Variants in RFPL2 observed in about 807,000 individuals in gnomAD.
RFPL2 encodes the protein ret finger protein like 2.
Under a neutral mutation model 17.8 loss-of-function variants are expected in RFPL2, and 13 were observed. The ratio of observed to expected loss-of-function variants is 0.73; its 90% CI spans 0.47 to 1.16. RFPL2 has a LOEUF of 1.16. Among genes scored for constraint, RFPL2 ranks in the 50% most tolerant of loss-of-function variants. RFPL2 has a pLI of 0.00. For synonymous variants in RFPL2, 189 were observed against 180.9 expected (o/e 1.04, Z -0.36); for missense variants, 431 against 479.3 (o/e 0.90, Z 0.94).
Position 32,191,363 on chromosome 22 carries a change from G to A in RFPL2, c.557-11C>T, listed in dbSNP as rs749645800. 19 of 1,592,730 alleles carry A rather than the reference G, an allele frequency of 1.2e-5. No individual in the cohort carries two copies. Among genetic ancestry groups the A allele is most frequent in the Admixed American group, 3.5e-5 (2 of 56,404 alleles). ...CCAAGGTCATATCCACTGTGAAAAG[G>A]AAAAAAAGTTGCTCAGCAAATGGAC... On this transcript the variant is annotated splice_polypyrimidine_tract_variant and intron_variant, in intron 4 of 4. Transcript: ENST00000652607.
intron 2 of RFPL2, among the ~76,000 whole-genome samples, chr22:32,195,944 C>A (rs1923287172): frequency 6.6e-6 from 1 of 151,994 alleles, no homozygotes; most frequent in Admixed American, 6.6e-5. Flanking sequence ...CCCTTCCCAG[C>A]CTCCACCAAA....
Position 32,204,848 on chromosome 22 carries a change from CTGAT to C in RFPL2, c.-245_-242del, listed in dbSNP as rs368936213. ...TGAGAGAAAAACCTCTAGGTCTACT[CTGAT>C]TGTGCTTTATTTTCACGTTCTGACT... On this transcript the variant is annotated 5_prime_UTR_variant, in exon 1 of 5. Coordinates refer to ENST00000652607, the MANE Select transcript of RFPL2 (RefSeq NM_001394555.1). Among the ~76,000 whole-genome samples, 51 of 152,356 alleles carry C rather than the reference CTGAT, an allele frequency of 3.3e-4. No individual in the cohort carries two copies. In the East Asian group the frequency reaches 8.7e-3, roughly 26 times the overall value.
At chr22:32,192,771 T>A (rs1922814982) in intron 4 of RFPL2, 131 bp downstream of exon 4, 1 of 1,288,482 alleles carries the variant, frequency 7.8e-7, no homozygotes, top group African/African-American at 1.5e-5. Flanking sequence ...GGGCTGAGAA[T>A]CTGATGATGA....
Position 32,204,515 on chromosome 22 carries a change from C to T in RFPL2, c.-100+192G>A, listed in dbSNP as rs77435099. Among the ~76,000 whole-genome samples the T allele has an allele frequency of 1.8e-4, 28 of 152,232 alleles. No individual in the cohort carries two copies. The East Asian group carries it at 5.4e-3, about 29-fold the overall frequency. On this transcript the variant is annotated intron_variant, in intron 1 of 4. Transcript: ENST00000652607. ...CACCTCGGGCAGTGCAGCTCCAGAT[C>T]GTGCATCCAACCTGTCCCCCTCCCC...
At position 32,190,717 on chromosome 22, in the gene RFPL2, T is replaced by A; in HGVS notation, c.*55A>T. On this transcript the variant is annotated 3_prime_UTR_variant, in exon 5 of 5. Coordinates refer to ENST00000652607, the MANE Select transcript of RFPL2 (RefSeq NM_001394555.1). ...TTTTACGAAGTAGAGCGTTCCTAAG[T>A]CTACCCACCCAAGTAATTTTCTTAC... 6.7e-7 allele frequency: 1 copy of A among 1,487,688 alleles called. No homozygotes were observed. Among genetic ancestry groups the A allele is most frequent in the East Asian group, 2.3e-5 (1 of 43,476 alleles). The allele number at this position is 1,487,688 out of a possible 1,614,324, so 92.2% of individuals were successfully genotyped here.
intron 4 of RFPL2, among the ~76,000 whole-genome samples, 181 bp downstream of exon 4, chr22:32,192,715 GTTTGTT>G (rs1922810047): frequency 6.6e-6 from 1 of 152,146 alleles, no homozygotes; most frequent in African/African-American, 2.4e-5. Context: ...TCGGGTTTTT[GTTTGTT>G]TTTGTTTTTG....
In RFPL2 at chr22:32,191,036, C is replaced by G. The variant is rs16987639; in HGVS notation, c.873G>C (p.Thr291=). 0.49 allele frequency: 780,717 copies of G among 1,609,724 alleles called. 198,403 individuals carry two copies. Among genetic ancestry groups the G allele is most frequent in the African/African-American group, 0.82 (61,305 of 74,642 alleles). The part of the protein sequence containing the change: ...LRDGGRLSAT[T]VPLTFLFVDR... ...CTACGAAGAGGAAAGTCAGCGGCACCGTGGTGGCAGAGAGGCGGCCTCCAT... is the reference window on the plus strand; with the variant it reads ...CTACGAAGAGGAAAGTCAGCGGCACGGTGGTGGCAGAGAGGCGGCCTCCAT... The change falls in exon 5 of 5, where the codon ACG becomes ACC. Residue 291 remains threonine (T), a synonymous_variant. Coordinates refer to ENST00000652607, the MANE Select transcript of RFPL2 (RefSeq NM_001394555.1).
intron 3 of RFPL2, among the ~76,000 whole-genome samples, chr22:32,193,840 G>A (rs136480): frequency 0.23 from 32,696 of 140,654 alleles, 3,882 homozygotes; most frequent in Middle Eastern, 0.38. Context: ...TCTGGCCTGG[G>A]CAACAGAGTG....
chr22:32,196,343 A>AT (rs889614032), intron 2 of RFPL2, among the ~76,000 whole-genome samples: 9 of 152,096 alleles, frequency 5.9e-5, no homozygotes, highest in South Asian at 2.1e-4. Context: ...TTAAATGAAG[A>AT]TTTTTTTCTT....
At chr22:32,195,976 G>A (rs9621403) in intron 2 of RFPL2, among the ~76,000 whole-genome samples, 7,492 of 151,852 alleles carry the variant, frequency 0.049, 298 homozygotes, top group African/African-American at 0.11. Context: ...CCATCTAGCT[G>A]TAATTCTGTA....
chr22:32,191,541 C>T (rs1603200185), intron 4 of RFPL2, among the ~76,000 whole-genome samples, 189 bp from the exon 5 acceptor site: 1 of 152,168 alleles, frequency 6.6e-6, no homozygotes, highest in Non-Finnish European at 1.5e-5. Context: ...GTGGCAATAC[C>T]TGACCCTTAT....
At chr22:32,204,250 A>G (rs540058950) in intron 1 of RFPL2, among the ~76,000 whole-genome samples, 2 of 151,276 alleles carry the variant, frequency 1.3e-5, no homozygotes, top group South Asian at 4.2e-4. Flanking sequence ...ATCACAGCCA[A>G]CAAGTTCCCT....
intron 2 of RFPL2, 45 bp from the exon 3 acceptor site, chr22:32,194,535 T>C (rs136484): frequency 0.37 from 570,369 of 1,550,236 alleles, 108,683 homozygotes; most frequent in African/African-American, 0.5. Context: ...ACTGGTGATA[T>C]ATCTCCAGTT....
At chr22:32,199,520 T>C (rs1237431674) in intron 2 of RFPL2, among the ~76,000 whole-genome samples, 1 of 151,950 alleles carries the variant, frequency 6.6e-6, no homozygotes, top group East Asian at 1.9e-4. Context: ...AGACTCACTC[T>C]CTCCCAACCC....
chr22:32,191,446 G>T, intron 4 of RFPL2, 94 bp from the exon 5 acceptor site: 2 of 1,448,154 alleles, frequency 1.4e-6, no homozygotes, highest in African/African-American at 1.4e-5. Flanking sequence ...CTTGACTTTA[G>T]TTTCTTTAAT....
intron 1 of RFPL2, among the ~76,000 whole-genome samples, chr22:32,204,407 G>T (rs1569357546): frequency 6.6e-6 from 1 of 152,124 alleles, no homozygotes; most frequent in Non-Finnish European, 1.5e-5. Context: ...GCTGTAGGCA[G>T]TGCAGCACCC....
chr22:32,201,120 C>T (rs1045715974), intron 2 of RFPL2, among the ~76,000 whole-genome samples: 1 of 149,756 alleles, frequency 6.7e-6, no homozygotes, highest in Non-Finnish European at 1.5e-5. Flanking sequence ...TCACTGCAAG[C>T]TCTACCTTCC....
At chr22:32,192,448 G>A (rs946436400) in intron 4 of RFPL2, among the ~76,000 whole-genome samples, 7 of 152,182 alleles carry the variant, frequency 4.6e-5, no homozygotes, top group African/African-American at 1.4e-4. Context: ...CTGGGGTAAG[G>A]TTGTTTGTAC....
In RFPL2 at chr22:32,193,735, T is replaced by C. The variant is rs1187361594; in HGVS notation, c.266-543A>G. ...AGAATTAGCCAGGCGTGGTGGCACA[T>C]GCCTGTAATCCCAGATACTTGGGAG... On this transcript the variant is annotated intron_variant, in intron 3 of 4. Coordinates refer to ENST00000652607, the MANE Select transcript of RFPL2 (RefSeq NM_001394555.1). Among the ~76,000 whole-genome samples the C allele has an allele frequency of 5.9e-5, 9 of 152,152 alleles. No homozygotes were observed. The East Asian group carries it at 1.4e-3, about 23-fold the overall frequency.
Sources: gnomAD v4.1 joint callset for allele counts (sites outside exome capture counted in the v4.1 genomes callset) on GRCh38, gnomAD v4.1.1 for gene constraint, MANE v1.5 for transcripts, NCBI Gene and HGNC (gene_info 2026-07-23, HGNC 2026-07-21) for gene names.